MICOS10: variants seen among roughly 807,000 people sequenced by gnomAD.
MICOS10 encodes the protein mitochondrial contact site and cristae organizing system subunit 10.
In MICOS10, 5 loss-of-function variants were observed where a neutral mutation model predicts 13.4. The ratio of observed to expected loss-of-function variants is 0.37; its 90% confidence interval spans 0.20 to 0.78. The LOEUF is 0.78. MICOS10 is among the 30% of genes least tolerant of loss of function. The pLI is 0.47. For synonymous variants in MICOS10, 35 were observed against 33.6 expected (o/e 1.04, Z -0.15); for missense variants, 101 against 94.6 (o/e 1.07, Z -0.28).
chr1:19,609,110 C>T (rs2094848131), intron 1 of MICOS10, among the ~76,000 whole-genome samples: 1 of 148,280 alleles, frequency 6.7e-6, no homozygotes, highest in Non-Finnish European at 1.5e-5. Context: ...GATCCTCCCA[C>T]ATCAGCCTCC....
intron 1 of MICOS10, among the ~76,000 whole-genome samples, chr1:19,611,224 T>C (rs1212263595): frequency 2.6e-5 from 4 of 152,008 alleles, no homozygotes; most frequent in Non-Finnish European, 5.9e-5. Flanking sequence ...AGCGCTGGGA[T>C]TACAGGTGCA....
intron 1 of MICOS10, among the ~76,000 whole-genome samples, chr1:19,620,271 C>A (rs1388415388): frequency 6.6e-6 from 1 of 152,180 alleles, no homozygotes; most frequent in East Asian, 1.9e-4. Context: ...TTAGTGGAAA[C>A]AGCTGCAGAG....
At chr1:19,601,657 CTATT>C (rs146461683) in intron 1 of MICOS10, among the ~76,000 whole-genome samples, 6,684 of 151,812 alleles carry the variant, frequency 0.044, 228 homozygotes, top group South Asian at 0.14. Flanking sequence ...TTTAAAACCT[CTATT>C]TATTTTGTAT....
At chr1:19,608,291 A>T (rs771049283) in intron 1 of MICOS10, 2 of 1,342,512 alleles carry the variant, frequency 1.5e-6, no homozygotes, top group Non-Finnish European at 2.1e-6. Flanking sequence ...GACTGGTGGG[A>T]TGAAGGTGAA....
chr1:19,625,120 G>A (rs747578730), intron 3 of MICOS10, among the ~76,000 whole-genome samples: 2 of 152,166 alleles, frequency 1.3e-5, no homozygotes, highest in African/African-American at 2.4e-5. Context: ...CATAAAATGA[G>A]GGTAATAATT....
At position 19,597,008 on chromosome 1, in the gene MICOS10, G is replaced by A. The variant is rs766090216; in HGVS notation, c.-38G>A. ...GACTTTCAGGGGTCGGAGCGCGGGG[G>A]CCGGCCGAGAGGAAAGCTGGAGGCG... is the stretch of plus-strand genomic sequence containing the variant. On this transcript the variant is annotated 5_prime_UTR_variant, in exon 1 of 4. Transcript: ENST00000322753. The A allele has an allele frequency of 3.2e-6, 5 of 1,568,438 alleles. No individual in the cohort carries two copies. The highest frequency in any genetic ancestry group is 2.5e-5 in the East Asian group (1 of 39,914).
At chr1:19,624,291 T>G (rs1482353685) in intron 3 of MICOS10, among the ~76,000 whole-genome samples, 2 of 151,984 alleles carry the variant, frequency 1.3e-5, no homozygotes, top group African/African-American at 4.8e-5. Flanking sequence ...TTATTTTATT[T>G]TATTTATTTT....
intron 1 of MICOS10, chr1:19,614,474 AT>A (rs930236325): frequency 5.3e-5 from 8 of 150,996 alleles, no homozygotes; most frequent in Non-Finnish European, 7.4e-5. Flanking sequence ...ACTCACTTTA[AT>A]TTTTTTTTAT....
Position 19,623,497 on chromosome 1 carries a change from G to T in MICOS10, c.136G>T (p.Gly46Cys). 6.2e-7 allele frequency: 1 copy of T among 1,612,052 alleles called. No homozygotes were observed. Among genetic ancestry groups the T allele is most frequent in the Non-Finnish European group, 8.5e-7 (1 of 1,179,372 alleles). The part of the protein sequence containing the change: ...FKRRMWPLAF[G>C]SGMGLGMAYS... ...AGGAAGAATGTGGCCATTAGCCTTC[G>T]GTTCTGGCATGGGATTAGGAATGGC... Residue 46 changes from glycine to cysteine, a missense_variant, in exon 3 of 4, where the codon GGT (glycine) becomes TGT (cysteine). Physicochemically the swap from Gly to Cys is radical, Grantham distance 159. Coordinates refer to ENST00000322753, the MANE Select transcript of MICOS10 (RefSeq NM_001032363.4).
intron 3 of MICOS10, chr1:19,625,514 G>T: frequency 1.6e-6 from 2 of 1,289,434 alleles, no homozygotes. Flanking sequence ...AAGAAGAGGC[G>T]CAGCTGTGTG....
intron 1 of MICOS10, among the ~76,000 whole-genome samples, chr1:19,620,656 C>T (rs2094899896): frequency 6.6e-6 from 1 of 152,074 alleles, no homozygotes; most frequent in Admixed American, 6.5e-5. Flanking sequence ...CAGATAAATG[C>T]CTATAATAGG....
At chr1:19,611,726 C>T (rs2094862611) in intron 1 of MICOS10, among the ~76,000 whole-genome samples, 1 of 151,856 alleles carries the variant, frequency 6.6e-6, no homozygotes, top group African/African-American at 2.4e-5. Context: ...AATCCCAGCA[C>T]TTTGGGAGGC....
intron 1 of MICOS10, among the ~76,000 whole-genome samples, chr1:19,615,182 G>A (rs1327276884): frequency 2.6e-5 from 4 of 152,206 alleles, no homozygotes; most frequent in Admixed American, 2.0e-4. Context: ...GCTCCCCAGG[G>A]AAGAGACTGT....
intron 1 of MICOS10, among the ~76,000 whole-genome samples, chr1:19,619,230 C>G (rs977558452): frequency 1.3e-5 from 2 of 152,196 alleles, no homozygotes; most frequent in African/African-American, 2.4e-5. Flanking sequence ...GACTACAGCT[C>G]ATTCTGTTAG....
rs534475165 is a variant in MICOS10, at chr1:19,608,047, T to C, written c.64+10938T>C. Reference sequence around the variant, plus strand: ...CGCTTAAAAGGGTCGTAGACCTAAATATAAAAGCTAAAACTATAAAACCTA... The same window carrying C: ...CGCTTAAAAGGGTCGTAGACCTAAACATAAAAGCTAAAACTATAAAACCTA... On this transcript the variant is annotated intron_variant, in intron 1 of 3. Transcript: ENST00000322753. 18 of 751,416 alleles carry C rather than the reference T, an allele frequency of 2.4e-5. No individual in the cohort carries two copies. The East Asian group carries it at 3.7e-4, about 15-fold the overall frequency. The allele number at this position is 751,416 out of a possible 1,614,324, so 46.5% of individuals were successfully genotyped here.
At chr1:19,609,630 T>G (rs2094851114) in intron 1 of MICOS10, among the ~76,000 whole-genome samples, 1 of 152,276 alleles carries the variant, frequency 6.6e-6, no homozygotes, top group South Asian at 2.1e-4. Flanking sequence ...GGACTGTCCT[T>G]AAAGTGGAGT....
At chr1:19,601,792 G>T (rs1290529103) in intron 1 of MICOS10, among the ~76,000 whole-genome samples, 1 of 152,144 alleles carries the variant, frequency 6.6e-6, no homozygotes, top group African/African-American at 2.4e-5. Flanking sequence ...AGCTCTGAGT[G>T]ATGGGCACAG....
intron 1 of MICOS10, among the ~76,000 whole-genome samples, chr1:19,607,544 G>A (rs2094839976): frequency 6.6e-6 from 1 of 152,202 alleles, no homozygotes; most frequent in Non-Finnish European, 1.5e-5. Context: ...ATTGGATCCT[G>A]TTTATTTAAG....
At chr1:19,597,524 T>C (rs1195419814) in intron 1 of MICOS10, among the ~76,000 whole-genome samples, 1 of 152,174 alleles carries the variant, frequency 6.6e-6, no homozygotes, top group African/African-American at 2.4e-5. Context: ...CAAAGTGCCT[T>C]CTGGAGAAGG....
Sources: allele counts gnomAD v4.1 joint callset (sites outside exome capture counted in the v4.1 genomes callset), GRCh38; gene constraint gnomAD v4.1.1; transcripts MANE v1.5; gene names NCBI Gene and HGNC (gene_info 2026-07-23, HGNC 2026-07-21).